Variants in TBCA observed in about 807,000 individuals in gnomAD.
TBCA encodes tubulin-specific chaperone A.
In TBCA, 6 loss-of-function variants were observed where a neutral mutation model predicts 15.8. The observed-to-expected ratio is 0.38, with a 90% confidence interval of 0.21 to 0.75. The LOEUF is 0.75. Among genes scored for constraint, TBCA ranks in the 30% least tolerant of loss-of-function variants. The pLI, the probability that TBCA is intolerant of heterozygous loss-of-function variation, is 0.46. For missense variants in TBCA, 90 were observed against 131.2 expected (o/e 0.69, Z 1.53); for synonymous variants, 32 against 42.3 (o/e 0.76, Z 0.94).
At chr5:77,745,604 T>C (rs1328134671) in intron 1 of TBCA, among the ~76,000 whole-genome samples, 1 of 152,214 alleles carries the variant, frequency 6.6e-6, no homozygotes, top group Non-Finnish European at 1.5e-5. Flanking sequence ...CTTACACTCT[T>C]TCAGCTAAGA....
intron 1 of TBCA, among the ~76,000 whole-genome samples, chr5:77,765,237 A>G (rs1398389178): frequency 6.6e-6 from 1 of 152,198 alleles, no homozygotes; most frequent in Non-Finnish European, 1.5e-5. Context: ...CCACTGTACA[A>G]TTGTGAGCAA....
At chr5:77,762,274 C>T (rs976712313) in intron 1 of TBCA, among the ~76,000 whole-genome samples, 7 of 152,218 alleles carry the variant, frequency 4.6e-5, no homozygotes, top group East Asian at 1.9e-4. Flanking sequence ...TATTTATAAA[C>T]AAAAGACAAA....
chr5:77,732,782 C>A (rs910414314), intron 1 of TBCA, among the ~76,000 whole-genome samples: 3 of 152,070 alleles, frequency 2.0e-5, no homozygotes, highest in African/African-American at 7.2e-5. Flanking sequence ...ACAAACTGTG[C>A]CTATATAAGA....
At chr5:77,727,096 T>G (rs1020248579) in intron 1 of TBCA, among the ~76,000 whole-genome samples, 1 of 151,852 alleles carries the variant, frequency 6.6e-6, no homozygotes, top group Non-Finnish European at 1.5e-5. Context: ...GCAAACTTTG[T>G]ATCAAAATGG....
chr5:77,775,340 T>C (rs914388116), intron 1 of TBCA, among the ~76,000 whole-genome samples: 7 of 152,230 alleles, frequency 4.6e-5, no homozygotes, highest in Non-Finnish European at 8.8e-5. Flanking sequence ...TTGTCTCTTA[T>C]CTATGACCTG....
intron 1 of TBCA, among the ~76,000 whole-genome samples, chr5:77,765,151 A>C (rs1482044132): frequency 2.0e-5 from 3 of 152,228 alleles, no homozygotes; most frequent in Non-Finnish European, 4.4e-5. Context: ...TCTGGAAGAG[A>C]AGCAGCTGGA....
chr5:77,727,220 C>T (rs1222418762), intron 1 of TBCA, among the ~76,000 whole-genome samples: 6 of 120,466 alleles, frequency 5.0e-5, no homozygotes, highest in Admixed American at 1.1e-4. Context: ...CTGGGAGACA[C>T]AGTGAGACTC....
chr5:77,757,507 C>A (rs1747502668), intron 1 of TBCA, among the ~76,000 whole-genome samples: 1 of 151,978 alleles, frequency 6.6e-6, no homozygotes, highest in Non-Finnish European at 1.5e-5. Flanking sequence ...AGTTGTACAG[C>A]AACAACAACA....
At chr5:77,761,037 C>T (rs1291320523) in intron 1 of TBCA, among the ~76,000 whole-genome samples, 24 of 151,824 alleles carry the variant, frequency 1.6e-4, no homozygotes, top group Admixed American at 1.0e-3. Flanking sequence ...GCCCGGCTGC[C>T]GCCCCGTCTG....
At position 77,705,480 on chromosome 5, in the gene TBCA, G is replaced by A. The variant is rs116337935; in HGVS notation, c.159+2762C>T. Reference sequence around the variant, plus strand: ...AAAGCAGTATATATCATAATTTTAAGAATAAAAAGTTACATTCCATATGTA... The same window carrying A: ...AAAGCAGTATATATCATAATTTTAAAAATAAAAAGTTACATTCCATATGTA... On this transcript the variant is annotated intron_variant, in intron 2 of 3. Transcript: ENST00000380377. The A allele has an allele frequency of 1.2e-3, 495 of 397,072 alleles. 2 individuals carry two copies. Among genetic ancestry groups the A allele is most frequent in the African/African-American group, 9.1e-3 (444 of 48,672 alleles). 24.6% of individuals were successfully genotyped at this position (397,072 alleles called of 1,614,324 possible).
chr5:77,734,471 T>C (rs1746848028), intron 1 of TBCA, among the ~76,000 whole-genome samples: 1 of 152,170 alleles, frequency 6.6e-6, no homozygotes, highest in Non-Finnish European at 1.5e-5. Context: ...CAGATAACTT[T>C]GAGGGATTCA....
intron 1 of TBCA, among the ~76,000 whole-genome samples, chr5:77,765,421 C>G (rs1561285463): frequency 6.6e-6 from 1 of 152,218 alleles, no homozygotes. Context: ...ATAGTGAAAA[C>G]TACAAAGTTC....
chr5:77,703,292 TCTGA>T (rs1746066665), intron 2 of TBCA, among the ~76,000 whole-genome samples: 2 of 128,070 alleles, frequency 1.6e-5, no homozygotes, highest in Non-Finnish European at 3.5e-5. Flanking sequence ...CAGAGATATG[TCTGA>T]CTGAGTGTCA....
chr5:77,764,982 A>AG (rs1360739972), intron 1 of TBCA, among the ~76,000 whole-genome samples: 3 of 152,100 alleles, frequency 2.0e-5, no homozygotes, highest in Non-Finnish European at 4.4e-5. Flanking sequence ...ATATTTAGTT[A>AG]GAAAAATTTT....
chr5:77,757,927 T>C (rs1747513945), intron 1 of TBCA, among the ~76,000 whole-genome samples: 1 of 152,164 alleles, frequency 6.6e-6, no homozygotes, highest in Non-Finnish European at 1.5e-5. Flanking sequence ...GTGGCAAATC[T>C]GTACGGGTCT....
chr5:77,775,260 T>C (rs1747994683), intron 1 of TBCA, among the ~76,000 whole-genome samples: 1 of 152,216 alleles, frequency 6.6e-6, no homozygotes. Context: ...ACTATTCTTC[T>C]ATCCCTCTCT....
In TBCA at chr5:77,691,469, C is replaced by T. The variant is rs140457117; in HGVS notation, c.276G>A (p.Glu92=). The T allele has an allele frequency of 2.5e-6, 4 of 1,595,276 alleles. No individual in the cohort carries two copies. The African/African-American group carries it at 5.4e-5, about 22-fold the overall frequency. ...LENEKDLEEA[E]EYKEARLVLD... ...GTACTAAACGTGCTTCTTTATATTC[C>T]TCAGCTTCTTCCAAGTCTTTTTCAT... is the stretch of plus-strand genomic sequence containing the variant. Residue 92 remains glutamate, a synonymous_variant, in exon 4 of 4, where the codon GAG becomes GAA. Coordinates refer to ENST00000380377, the MANE Select transcript of TBCA (RefSeq NM_004607.3).
At chr5:77,720,497 T>C (rs931172102) in intron 1 of TBCA, among the ~76,000 whole-genome samples, 8 of 152,128 alleles carry the variant, frequency 5.3e-5, no homozygotes, top group African/African-American at 1.9e-4. Context: ...GTGGATCACC[T>C]GAGGTCAGGA....
chr5:77,693,505 A>G, intron 2 of TBCA, 153 bp from the exon 3 acceptor site: 2 of 1,009,214 alleles, frequency 2.0e-6, no homozygotes, highest in Non-Finnish European at 2.9e-6. Flanking sequence ...TGTATTTATT[A>G]GAAGTTAGAA....
Sources: gnomAD v4.1 joint callset for allele counts (sites outside exome capture counted in the v4.1 genomes callset) on GRCh38, gnomAD v4.1.1 for gene constraint, MANE v1.5 for transcripts, NCBI Gene and HGNC (gene_info 2026-07-23, HGNC 2026-07-21) for gene names.